The following SDK1 variants were observed in gnomAD, a reference collection of about 807,000 sequenced individuals.
SDK1 encodes the protein protein sidekick-1.
In SDK1, 157 loss-of-function variants were observed where a neutral mutation model predicts 245.5. The observed-to-expected ratio is 0.64, with a 90% confidence interval of 0.56 to 0.73. The LOEUF is 0.73. Ranked by LOEUF, SDK1 falls within the 30% of genes least tolerant of loss-of-function variation. The probability of loss-of-function intolerance (pLI) is 0.00; values close to 1 mark genes in which losing one functional copy is unlikely to be tolerated. For missense variants in SDK1, 3,583 were observed against 3,002.3 expected, an observed-to-expected ratio of 1.19 and a Z score of -4.52; for synonymous variants, 1,647 against 1,278.5, an observed-to-expected ratio of 1.29 and a Z score of -6.15.
intron 28 of SDK1, among the ~76,000 whole-genome samples, chr7:4,142,088 A>C (rs1390517758): frequency 6.6e-6 from 1 of 152,116 alleles, no homozygotes. Flanking sequence ...GGTGAAGAAG[A>C]AATCTTTTTA....
chr7:3,515,322 T>G (rs1782709399), intron 1 of SDK1, among the ~76,000 whole-genome samples: 1 of 152,146 alleles, frequency 6.6e-6, no homozygotes, highest in Non-Finnish European at 1.5e-5. Flanking sequence ...CTATATTAAA[T>G]TCAGAAAGAA....
At chr7:3,607,371 A>G (rs572950733) in intron 1 of SDK1, among the ~76,000 whole-genome samples, 2 of 152,346 alleles carry the variant, frequency 1.3e-5, no homozygotes, top group East Asian at 3.9e-4. Flanking sequence ...AATTTGAATA[A>G]AAGAAATATG....
At chr7:3,523,021 C>T (rs945283145) in intron 1 of SDK1, among the ~76,000 whole-genome samples, 5 of 32,822 alleles carry the variant, frequency 1.5e-4, no homozygotes, top group African/African-American at 4.2e-4. Flanking sequence ...AATACAAAAT[C>T]GTAAATTGGT....
At chr7:3,455,140 GTTTTT>G (rs545459656) in intron 1 of SDK1, among the ~76,000 whole-genome samples, 1 of 144,626 alleles carries the variant, frequency 6.9e-6, no homozygotes, top group African/African-American at 2.5e-5. Context: ...TTGGATTTTT[GTTTTT>G]TTTTTACTGT....
At chr7:3,622,725 A>G (rs1414878024) in intron 2 of SDK1, among the ~76,000 whole-genome samples, 1 of 152,210 alleles carries the variant, frequency 6.6e-6, no homozygotes, top group South Asian at 2.1e-4. Context: ...GTGACTCGTT[A>G]TATGTGGACT....
chr7:3,693,650 G>A (rs1160151189), intron 4 of SDK1, among the ~76,000 whole-genome samples: 1 of 151,372 alleles, frequency 6.6e-6, no homozygotes, highest in Non-Finnish European at 1.5e-5. Flanking sequence ...GTTTTTTTCT[G>A]GCTATAATTG....
intron 1 of SDK1, among the ~76,000 whole-genome samples, chr7:3,607,012 C>T (rs1410949483): frequency 6.6e-6 from 1 of 152,094 alleles, no homozygotes; most frequent in Non-Finnish European, 1.5e-5. Context: ...CATTGATTTG[C>T]TGTTTTGATA....
rs186022825 is a variant in SDK1 at position 3,567,268 on chromosome 7, C to T, written c.299-51812C>T. 2.0e-5 allele frequency among the ~76,000 whole-genome samples: 3 copies of T among 152,240 alleles called. No homozygotes were observed. In the East Asian group the frequency reaches 5.8e-4, roughly 29 times the overall value. On this transcript the variant is annotated intron_variant, in intron 1 of 44. Coordinates refer to ENST00000404826, the MANE Select transcript of SDK1 (RefSeq NM_152744.4). Reference sequence around the variant, plus strand: ...CCTCGACAGGTATTTATCCTCCATTCCTCAGCGGCTTCGTGGGTTGTTGTG... The same window carrying T: ...CCTCGACAGGTATTTATCCTCCATTTCTCAGCGGCTTCGTGGGTTGTTGTG...
chr7:4,019,642 A>C (rs80125281), intron 17 of SDK1, among the ~76,000 whole-genome samples: 1 of 151,442 alleles, frequency 6.6e-6, no homozygotes, highest in African/African-American at 2.4e-5. Context: ...AGTGAACGTT[A>C]GTGGATAATG....
chr7:3,312,598 G>T (rs1190898135), intron 1 of SDK1, among the ~76,000 whole-genome samples: 1 of 151,814 alleles, frequency 6.6e-6, no homozygotes, highest in Admixed American at 6.6e-5. Flanking sequence ...AACCTCAATG[G>T]ACAGGTTAAA....
chr7:3,672,796 A>ATATATATGTATATATAT (rs1554307151), intron 4 of SDK1, among the ~76,000 whole-genome samples: 1 of 53,416 alleles, frequency 1.9e-5, no homozygotes, highest in Non-Finnish European at 3.4e-5. Flanking sequence ...TATATATATA[A>ATATATATGTATATATAT]AAAATACAGA....
intron 39 of SDK1, among the ~76,000 whole-genome samples, chr7:4,220,825 G>A (rs1785109966): frequency 6.6e-6 from 1 of 151,982 alleles, no homozygotes; most frequent in African/African-American, 2.4e-5. Flanking sequence ...AAGCTGGAGT[G>A]CAGCAGCATG....
At chr7:3,587,983 G>C (rs926449918) in intron 1 of SDK1, among the ~76,000 whole-genome samples, 1 of 152,214 alleles carries the variant, frequency 6.6e-6, no homozygotes, top group Non-Finnish European at 1.5e-5. Flanking sequence ...ATACAGGCTT[G>C]CTCTTGAAAA....
chr7:4,114,044 C>G lies in SDK1; in HGVS notation c.3593C>G (p.Pro1198Arg). 6.2e-7 allele frequency: 1 copy of G among 1,613,960 alleles called. No individual in the cohort carries two copies. The highest frequency in any genetic ancestry group is 8.5e-7 in the Non-Finnish European group (1 of 1,179,876). Residue 1198 changes from proline (P) to arginine (R), a missense_variant, in exon 25 of 45, where the codon CCG becomes CGG. Physicochemically the swap from Pro to Arg is moderately radical, Grantham distance 103 (BLOSUM62 -2). Transcript: ENST00000404826. ...CTCCTCGTTCCTTCCTAGCCCCTGC[C>G]GGATTCTCAGTACAACGGGAACCCC... ...TSLRLRWVPL[P>R]DSQYNGNPES...
intron 1 of SDK1, among the ~76,000 whole-genome samples, chr7:3,514,492 G>C (rs145110024): frequency 6.6e-6 from 1 of 152,256 alleles, no homozygotes; most frequent in African/African-American, 2.4e-5. Flanking sequence ...GTCCAGGGTT[G>C]GTTTGGCGGT....
intron 5 of SDK1, among the ~76,000 whole-genome samples, chr7:3,949,500 C>T (rs2128124615): frequency 1.3e-5 from 2 of 152,328 alleles, no homozygotes; most frequent in Middle Eastern, 6.8e-3. Flanking sequence ...CCAGAATCCT[C>T]CGCTGCCGCT....
chr7:3,487,509 A>G (rs1296467478), intron 1 of SDK1, among the ~76,000 whole-genome samples: 1 of 152,120 alleles, frequency 6.6e-6, no homozygotes, highest in African/African-American at 2.4e-5. Context: ...TAGGAGGCCA[A>G]GGTAAACAGA....
chr7:3,617,620 G>A (rs1218664101), intron 1 of SDK1, among the ~76,000 whole-genome samples: 1 of 152,190 alleles, frequency 6.6e-6, no homozygotes, highest in Non-Finnish European at 1.5e-5. Flanking sequence ...TTCATCTGGG[G>A]AGGCCCTTTG....
chr7:3,378,920 G>A (rs1353249195), intron 1 of SDK1, among the ~76,000 whole-genome samples: 1 of 151,960 alleles, frequency 6.6e-6, no homozygotes, highest in Non-Finnish European at 1.5e-5. Context: ...CATGCTCACC[G>A]ACCTCCCACC....
Sources: gnomAD v4.1 joint callset for allele counts (sites outside exome capture counted in the v4.1 genomes callset) on GRCh38, gnomAD v4.1.1 for gene constraint, MANE v1.5 for transcripts, NCBI Gene and HGNC (gene_info 2026-07-23, HGNC 2026-07-21) for gene names.